The following TRAPPC12 variants were observed in gnomAD, a reference collection of about 807,000 sequenced individuals.
The protein encoded by TRAPPC12 is trafficking protein particle complex subunit 12, also known as TPR repeat protein 15.
Under a neutral mutation model 69.2 loss-of-function variants are expected in TRAPPC12, and 61 were observed. The observed-to-expected ratio is 0.88, with a 90% confidence interval of 0.72 to 1.09. The LOEUF is 1.09. Ranked by LOEUF, TRAPPC12 falls within the 50% of genes least tolerant of loss-of-function variation. TRAPPC12 has a pLI of 0.00. For missense variants in TRAPPC12, 1,101 were observed against 1,016.4 expected, an observed-to-expected ratio of 1.08 and a Z score of -1.13; for synonymous variants, 469 against 438.9, an observed-to-expected ratio of 1.07 and a Z score of -0.86.
intron 1 of TRAPPC12, among the ~76,000 whole-genome samples, chr2:3,382,646 C>T (rs190028551): frequency 1.8e-4 from 27 of 152,212 alleles, no homozygotes; most frequent in East Asian, 1.4e-3. Context: ...TTTACTGAGG[C>T]GAAGCACGTG....
intron 6 of TRAPPC12, chr2:3,456,994 A>G: frequency 2.3e-6 from 1 of 431,274 alleles, no homozygotes; most frequent in Non-Finnish European, 4.6e-6. Flanking sequence ...AGCTGGGAGC[A>G]GAGTCCCTCC....
intron 9 of TRAPPC12, among the ~76,000 whole-genome samples, chr2:3,467,229 A>T (rs1665857883): frequency 6.6e-6 from 1 of 152,156 alleles, no homozygotes; most frequent in Admixed American, 6.5e-5. Flanking sequence ...GGACACGGGG[A>T]GGTGATAGCG....
At chr2:3,418,775 G>A (rs889783196) in intron 3 of TRAPPC12, among the ~76,000 whole-genome samples, 8 of 152,138 alleles carry the variant, frequency 5.3e-5, no homozygotes, top group Non-Finnish European at 8.8e-5. Flanking sequence ...ACATCTACAC[G>A]GACGCCTTAA....
Position 3,465,129 on chromosome 2 carries a change from TG to T in TRAPPC12, c.1678-467del, listed in dbSNP as rs572946756. Among the ~76,000 whole-genome samples the T allele has an allele frequency of 3.9e-5, 6 of 152,370 alleles. No individual in the cohort carries two copies. In the South Asian group the frequency reaches 1.0e-3, roughly 26 times the overall value. On this transcript the variant is annotated intron_variant, in intron 8 of 11. Coordinates refer to ENST00000324266, the MANE Select transcript of TRAPPC12 (RefSeq NM_016030.6). ...ACTTGTTTTGTGGTTTTTCTTTACA[TG>T]TAAAGGTTTGACCTTAATTTCTAGC... is the stretch of plus-strand genomic sequence containing the variant.
rs1662279975 is a variant in TRAPPC12 at position 3,414,837 on chromosome 2, G to A, written c.1165-7044G>A. Among the ~76,000 whole-genome samples the A allele has an allele frequency of 1.3e-5, 2 of 152,170 alleles. No individual in the cohort carries two copies. The highest frequency in any genetic ancestry group is 1.3e-4 in the Admixed American group (2 of 15,284). Reference sequence around the variant, plus strand: ...CCGTATTTCATAAACACACGTATGTGTGCATGTATGTATTTCTTATGGACA... The same window carrying A: ...CCGTATTTCATAAACACACGTATGTATGCATGTATGTATTTCTTATGGACA... On this transcript the variant is annotated intron_variant, in intron 3 of 11. Coordinates refer to ENST00000324266, the MANE Select transcript of TRAPPC12 (RefSeq NM_016030.6). This position sits in a 1 kb window ranked among gnomAD's most constrained non-coding sequence, Gnocchi z 4.9.
chr2:3,450,281 A>G lies in TRAPPC12; in HGVS notation c.1530+6390A>G, dbSNP rs139770167. On this transcript the variant is annotated intron_variant, in intron 6 of 11. Coordinates refer to ENST00000324266, the MANE Select transcript of TRAPPC12 (RefSeq NM_016030.6). ...GCCTTTGATGTAAGATGATTCTTAA[A>G]TCGTGCATTCTTTGCCTTGCTTTTC... 2.7e-4 allele frequency among the ~76,000 whole-genome samples: 41 copies of G among 152,332 alleles called. No individual in the cohort carries two copies. In the East Asian group the frequency reaches 7.7e-3, roughly 29 times the overall value.
At position 3,479,216 on chromosome 2, in the gene TRAPPC12, T is replaced by C. The variant is rs1423252516; in HGVS notation, c.1966-3T>C. On this transcript the variant is annotated splice_polypyrimidine_tract_variant and splice_region_variant and intron_variant, in intron 11 of 11. Transcript: ENST00000324266. ...CCAACCCTGGGCGTGTGCTCCTCCC[T>C]AGGCCAACAACAACGCTGCCGTGTG... 3 of 1,612,666 alleles carry C rather than the reference T, an allele frequency of 1.9e-6. No individual in the cohort carries two copies. The Admixed American group carries it at 5.0e-5, about 27-fold the overall frequency.
intron 5 of TRAPPC12, among the ~76,000 whole-genome samples, chr2:3,438,380 G>GATCCCCCATCACCCCTGGATTA (rs1322159052): frequency 1.5e-4 from 10 of 65,142 alleles, no homozygotes; most frequent in African/African-American, 3.6e-4. Flanking sequence ...CCCCTGGATT[G>GATCCCCCATCACCCCTGGATTA]ATCCCCCATC....
intron 5 of TRAPPC12, among the ~76,000 whole-genome samples, chr2:3,436,835 C>A (rs1663819226): frequency 7.3e-6 from 1 of 137,886 alleles, no homozygotes; most frequent in African/African-American, 2.8e-5. Context: ...GATTAATACC[C>A]CATCACCCCA....
intron 2 of TRAPPC12, among the ~76,000 whole-genome samples, chr2:3,400,950 C>G (rs1171623206): frequency 6.6e-6 from 1 of 152,242 alleles, no homozygotes; most frequent in Non-Finnish European, 1.5e-5. Context: ...TCTCCCTCCC[C>G]TTGCCCTTCT....
At position 3,477,670 on chromosome 2, in the gene TRAPPC12, AACTG is replaced by A. The variant is rs745750607; in HGVS notation, c.1777-21_1777-18del. The A allele has an allele frequency of 6.7e-6, 10 of 1,492,944 alleles. No individual in the cohort carries two copies. The East Asian group carries it at 1.1e-4, about 17-fold the overall frequency. 92.5% of individuals were successfully genotyped at this position (1,492,944 alleles called of 1,614,324 possible). ...GACTTAATATTTCTTTTGTCAACTAAACTGACTAAATTTTGTCAAAGCAGATTGG... is the reference window on the plus strand; with the variant it reads ...GACTTAATATTTCTTTTGTCAACTAAACTAAATTTTGTCAAAGCAGATTGG... On this transcript the variant is annotated intron_variant, in intron 9 of 11. Coordinates refer to ENST00000324266, the MANE Select transcript of TRAPPC12 (RefSeq NM_016030.6).
chr2:3,451,707 A>G (rs1395893201), intron 6 of TRAPPC12, among the ~76,000 whole-genome samples: 1 of 151,970 alleles, frequency 6.6e-6, no homozygotes, highest in African/African-American at 2.4e-5. Flanking sequence ...AACTTTTTGT[A>G]GAGATAGGGT....
chr2:3,383,448 G>C lies in TRAPPC12; in HGVS notation c.-5+3572G>C, dbSNP rs998662632. ...GAGTCTTTCTCTGTCACCCAGGCTG[G>C]AATGTCGTGCCTCAATCTTGGCTCA... On this transcript the variant is annotated intron_variant, in intron 1 of 11. Transcript: ENST00000324266. 4.0e-4 allele frequency among the ~76,000 whole-genome samples: 60 copies of C among 148,960 alleles called. 1 individual carries two copies. The highest frequency in any genetic ancestry group is 3.6e-4 in the Non-Finnish European group (24 of 67,360).
chr2:3,382,369 G>A (rs1472209308), intron 1 of TRAPPC12, among the ~76,000 whole-genome samples: 1 of 152,012 alleles, frequency 6.6e-6, no homozygotes, highest in Non-Finnish European at 1.5e-5. Context: ...TCCTGACCTC[G>A]TGGTCCGCCT....
intron 2 of TRAPPC12, among the ~76,000 whole-genome samples, chr2:3,393,415 A>G (rs1558344555): frequency 6.6e-6 from 1 of 152,172 alleles, no homozygotes; most frequent in East Asian, 1.9e-4. Flanking sequence ...GATGGAATGT[A>G]CATTTAACAT....
At chr2:3,475,151 A>G (rs982380585) in intron 9 of TRAPPC12, among the ~76,000 whole-genome samples, 4 of 152,156 alleles carry the variant, frequency 2.6e-5, no homozygotes, top group Admixed American at 2.6e-4. Flanking sequence ...GCTGGAGTGC[A>G]GTGGCACAGG....
intron 5 of TRAPPC12, among the ~76,000 whole-genome samples, chr2:3,431,708 C>T (rs1372573523): frequency 6.6e-6 from 1 of 151,972 alleles, no homozygotes; most frequent in Non-Finnish European, 1.5e-5. Context: ...ATTTCTAGAA[C>T]ATTCATTCAT....
intron 9 of TRAPPC12, among the ~76,000 whole-genome samples, chr2:3,470,956 A>G (rs1336581254): frequency 6.6e-6 from 1 of 152,156 alleles, no homozygotes; most frequent in African/African-American, 2.4e-5. Flanking sequence ...TTGGGCTGAG[A>G]ACACTGTCAC....
chr2:3,382,731 C>A (rs1197216889), intron 1 of TRAPPC12, among the ~76,000 whole-genome samples: 3 of 152,156 alleles, frequency 2.0e-5, no homozygotes, highest in African/African-American at 7.2e-5. Context: ...TTGAGACCAG[C>A]CTGGCCAACA....
Sources: gnomAD v4.1 joint callset for allele counts (sites outside exome capture counted in the v4.1 genomes callset) on GRCh38, gnomAD v4.1.1 for gene constraint, Gnocchi (gnomAD v3.1) non-coding constraint, MANE v1.5 for transcripts, NCBI Gene and HGNC (gene_info 2026-07-23, HGNC 2026-07-21) for gene names.